RTL4: variants seen among roughly 807,000 people sequenced by gnomAD.
RTL4 encodes the protein retrotransposon Gag-like protein 4.
Under a neutral mutation model 5.3 loss-of-function variants are expected in RTL4, and 4 were observed. That is an observed-to-expected ratio of 0.75 (90% CI 0.37 to 1.72). The LOEUF is 1.72. RTL4 is among the 40% of genes most tolerant of loss of function. The probability of loss-of-function intolerance (pLI) is 0.04; values close to 1 mark genes in which losing one functional copy is unlikely to be tolerated. For missense variants in RTL4, 260 were observed against 227.1 expected (o/e 1.14, Z -0.93); for synonymous variants, 98 against 87.3 (o/e 1.12, Z -0.68).
At chrX:112,414,750 T>C in the RTL4 span, among the ~76,000 whole-genome samples, 1 of 111,781 alleles carries the variant, frequency 8.9e-6, no homozygotes, top group African/African-American at 3.2e-5. Flanking sequence ...CTTTCCTTTT[T>C]TATAAGTGAA....
chrX:112,190,689 G>A, the RTL4 span, among the ~76,000 whole-genome samples: 1 of 112,037 alleles, frequency 8.9e-6, no homozygotes, highest in Non-Finnish European at 1.9e-5. Flanking sequence ...CTCATCAGGA[G>A]CCATAATTAG....
At chrX:112,111,059 G>A in the RTL4 span, among the ~76,000 whole-genome samples, 1 of 111,802 alleles carries the variant, frequency 8.9e-6, no homozygotes, top group Non-Finnish European at 1.9e-5. Context: ...CAATTAATAG[G>A]TTTTAAATTT....
the RTL4 span, among the ~76,000 whole-genome samples, chrX:112,091,769 G>A: frequency 8.1e-5 from 9 of 110,638 alleles, no homozygotes; most frequent in African/African-American, 2.9e-4. Context: ...AGCTTTCTCC[G>A]AGTCTTCTAT....
the RTL4 span, among the ~76,000 whole-genome samples, chrX:112,144,520 G>GA: frequency 6.3e-5 from 7 of 111,169 alleles, no homozygotes; most frequent in African/African-American, 2.3e-4. Context: ...GTTCTCAAAG[G>GA]AAAAAACGTA....
At chrX:112,106,247 T>C in the RTL4 span, among the ~76,000 whole-genome samples, 13 of 112,234 alleles carry the variant, frequency 1.2e-4, no homozygotes, top group African/African-American at 3.9e-4. Flanking sequence ...AATAATCTTT[T>C]TAATGTGCTA....
the RTL4 span, among the ~76,000 whole-genome samples, chrX:112,312,313 G>C: frequency 4.5e-5 from 5 of 111,654 alleles, no homozygotes; most frequent in African/African-American, 1.6e-4. Context: ...TATCTGTAAA[G>C]TGCTAACAGA....
chrX:112,319,631 A>G, the RTL4 span, among the ~76,000 whole-genome samples: 1 of 111,784 alleles, frequency 8.9e-6, no homozygotes, highest in African/African-American at 3.2e-5. Context: ...AAATTTGCTT[A>G]TGCCTCTTTC....
At chrX:112,109,775 C>T in the RTL4 span, among the ~76,000 whole-genome samples, 3 of 111,357 alleles carry the variant, frequency 2.7e-5, no homozygotes, top group African/African-American at 9.8e-5. Flanking sequence ...ACAGGACACC[C>T]CAACTGCTGC....
At chrX:112,366,716 TC>T in the RTL4 span, among the ~76,000 whole-genome samples, 1 of 112,167 alleles carries the variant, frequency 8.9e-6, no homozygotes, top group East Asian at 2.8e-4. Context: ...TGTGCAAACA[TC>T]AAATATGTTT....
At chrX:112,440,570 G>A in the RTL4 span, among the ~76,000 whole-genome samples, 2 of 111,963 alleles carry the variant, frequency 1.8e-5, no homozygotes, top group Admixed American at 9.5e-5. Context: ...AGAGGGTGTT[G>A]GATACAAAAA....
chrX:112,270,480 A>G, the RTL4 span, among the ~76,000 whole-genome samples: 1 of 111,960 alleles, frequency 8.9e-6, no homozygotes, highest in Non-Finnish European at 1.9e-5. Flanking sequence ...TATCAGCAGC[A>G]TTACCCAGCA....
the RTL4 span, among the ~76,000 whole-genome samples, chrX:112,317,906 T>C: frequency 8.9e-6 from 1 of 111,923 alleles, no homozygotes; most frequent in Non-Finnish European, 1.9e-5. Flanking sequence ...TTCAATAGCA[T>C]CCAACAACTT....
chrX:112,405,324 T>C, the RTL4 span, among the ~76,000 whole-genome samples: 1 of 111,898 alleles, frequency 8.9e-6, no homozygotes, highest in African/African-American at 3.3e-5. Context: ...GAAAAAAGCA[T>C]CACTTACTTT....
At chrX:112,248,752 T>C in the RTL4 span, among the ~76,000 whole-genome samples, 1 of 112,000 alleles carries the variant, frequency 8.9e-6, no homozygotes, top group Admixed American at 9.5e-5. Context: ...AGGGAAGTGA[T>C]GCCAAATTGA....
At chrX:112,100,793 T>C in the RTL4 span, among the ~76,000 whole-genome samples, 1 of 111,856 alleles carries the variant, frequency 8.9e-6, no homozygotes, top group East Asian at 2.8e-4. Flanking sequence ...TAAATCATAG[T>C]AGCCAGAACC....
chrX:112,185,118 A>T, the RTL4 span, among the ~76,000 whole-genome samples: 1 of 110,295 alleles, frequency 9.1e-6, no homozygotes, highest in Non-Finnish European at 1.9e-5. Context: ...TTACACAGCA[A>T]ATCAGTGGCA....
At chrX:112,442,252 T>C in the RTL4 span, among the ~76,000 whole-genome samples, 1 of 108,943 alleles carries the variant, frequency 9.2e-6, no homozygotes, top group African/African-American at 3.4e-5. Context: ...TTCTTTTTTT[T>C]TTTTTTGAGA....
chrX:112,352,345 G>A, the RTL4 span, among the ~76,000 whole-genome samples: 1 of 110,290 alleles, frequency 9.1e-6, no homozygotes, highest in African/African-American at 3.3e-5. Context: ...ATGTTCATAT[G>A]GAACCAAAAA....
chrX:112,423,780 GA>G, the RTL4 span, among the ~76,000 whole-genome samples: 1 of 111,651 alleles, frequency 9.0e-6, no homozygotes, highest in Non-Finnish European at 1.9e-5. Flanking sequence ...TGCAAAATTT[GA>G]AAAATATACT....
Sources: gnomAD v4.1 joint callset for allele counts (sites outside exome capture counted in the v4.1 genomes callset) on GRCh38, gnomAD v4.1.1 for gene constraint, MANE v1.5 for transcripts, NCBI Gene and HGNC (gene_info 2026-07-23, HGNC 2026-07-21) for gene names.